VSIG1: variants seen among roughly 807,000 people sequenced by gnomAD.
VSIG1 encodes V-set and immunoglobulin domain containing 1.
Under a neutral mutation model 20.1 loss-of-function variants are expected in VSIG1, and 11 were observed. The observed-to-expected ratio is 0.55, with a 90% CI of 0.34 to 0.91. VSIG1 has a LOEUF of 0.91. Ranked by LOEUF, VSIG1 falls within the 40% of genes least tolerant of loss-of-function variation. The pLI is 0.02. For synonymous variants in VSIG1, 126 were observed against 116.7 expected, an observed-to-expected ratio of 1.08 and a Z score of -0.52; for missense variants, 283 against 298.8, an observed-to-expected ratio of 0.95 and a Z score of 0.39.
intron 1 of VSIG1, 98 bp downstream of exon 1, chrX:108,045,277 A>G (rs2030548480): frequency 3.0e-6 from 2 of 672,736 alleles, no homozygotes. Flanking sequence ...CATCTCCTGT[A>G]CTTCAAATGA....
intron 1 of VSIG1, among the ~76,000 whole-genome samples, chrX:108,048,215 C>T (rs1194854778): frequency 9.3e-6 from 1 of 107,332 alleles, no homozygotes; most frequent in Non-Finnish European, 1.9e-5. Context: ...GTTGGTCAGG[C>T]TGGTCTTGAA....
chrX:108,074,652 G>C (rs2031317805), intron 5 of VSIG1, among the ~76,000 whole-genome samples: 1 of 111,822 alleles, frequency 8.9e-6, no homozygotes, highest in African/African-American at 3.3e-5. Flanking sequence ...GTCTGAACAG[G>C]GTCTATAGAG....
chrX:108,028,968 T>C, the VSIG1 span, among the ~76,000 whole-genome samples: 5 of 111,752 alleles, frequency 4.5e-5, no homozygotes, highest in African/African-American at 1.6e-4. Context: ...GAGTTATTTC[T>C]CCTTGCTGAT....
chrX:108,026,581 C>T, the VSIG1 span, among the ~76,000 whole-genome samples: 3 of 110,965 alleles, frequency 2.7e-5, no homozygotes, highest in African/African-American at 9.8e-5. Context: ...ATATGTTAGC[C>T]CTTTTATTCT....
chrX:108,035,004 T>C, the VSIG1 span, among the ~76,000 whole-genome samples: 1 of 112,621 alleles, frequency 8.9e-6, no homozygotes, highest in Middle Eastern at 4.6e-3. Context: ...CTTCTTATGA[T>C]TTAAACCCAA....
intron 1 of VSIG1, among the ~76,000 whole-genome samples, chrX:108,047,945 T>TATACACAC (rs2030668820): frequency 5.4e-5 from 2 of 37,154 alleles, no homozygotes; most frequent in African/African-American, 1.7e-4. Flanking sequence ...CACATATATA[T>TATACACAC]ATATATATAC....
chrX:108,044,459 G>A (rs962453712), upstream of VSIG1, among the ~76,000 whole-genome samples: 4 of 111,798 alleles, frequency 3.6e-5, no homozygotes, highest in Admixed American at 9.5e-5. Flanking sequence ...AATTACGTTA[G>A]CAAATACGTG....
intron 1 of VSIG1, among the ~76,000 whole-genome samples, chrX:108,055,011 A>G (rs2147922490): frequency 9.1e-6 from 1 of 109,710 alleles, no homozygotes; most frequent in South Asian, 3.9e-4. Flanking sequence ...AAAAATTAAT[A>G]ACACAAAAAT....
chrX:108,047,889 C>T (rs768416514), intron 1 of VSIG1, among the ~76,000 whole-genome samples: 11 of 29,639 alleles, frequency 3.7e-4, no homozygotes, highest in African/African-American at 2.0e-3. Context: ...TATATATACA[C>T]ACATATATAT....
chrX:108,061,801 T>C, intron 2 of VSIG1, among the ~76,000 whole-genome samples: 1 of 110,152 alleles, frequency 9.1e-6, no homozygotes. Flanking sequence ...CATCTTCCCT[T>C]TCCTGAAATC....
intron 2 of VSIG1, chrX:108,061,493 G>C (rs774749089): frequency 3.4e-6 from 4 of 1,166,841 alleles, no homozygotes; most frequent in Non-Finnish European, 4.6e-6. Context: ...TAAAAATGAC[G>C]CACGCAAGAG....
intron 1 of VSIG1, among the ~76,000 whole-genome samples, chrX:108,057,133 A>G (rs1349942265): frequency 1.8e-5 from 2 of 112,513 alleles, no homozygotes; most frequent in African/African-American, 6.5e-5. Context: ...AAAAAGAGTC[A>G]TCAATTCCAA....
At chrX:108,055,465 A>G (rs944467844) in intron 1 of VSIG1, among the ~76,000 whole-genome samples, 1 of 112,088 alleles carries the variant, frequency 8.9e-6, no homozygotes, top group Non-Finnish European at 1.9e-5. Context: ...TTATGAGGCC[A>G]GTATTATCCT....
chrX:108,049,505 G>A (rs1346832960), intron 1 of VSIG1, among the ~76,000 whole-genome samples: 2 of 111,819 alleles, frequency 1.8e-5, no homozygotes, highest in Admixed American at 1.9e-4. Context: ...ACTTGTGTGA[G>A]TACTGTGTGT....
At chrX:108,021,517 C>T in the VSIG1 span, among the ~76,000 whole-genome samples, 1 of 112,186 alleles carries the variant, frequency 8.9e-6, no homozygotes, top group African/African-American at 3.2e-5. Flanking sequence ...TGTCTTTTCA[C>T]TTTTTTGATA....
intron 1 of VSIG1, among the ~76,000 whole-genome samples, chrX:108,047,961 CATATATATATAT>C (rs1172282311): frequency 5.0e-4 from 10 of 19,930 alleles, no homozygotes; most frequent in Non-Finnish European, 6.8e-4. Context: ...TATACACACA[CATATATATATAT>C]ATATATATAT....
At chrX:108,060,409 C>G (rs1179673252) in intron 2 of VSIG1, among the ~76,000 whole-genome samples, 1 of 110,807 alleles carries the variant, frequency 9.0e-6, no homozygotes, top group East Asian at 2.9e-4. Flanking sequence ...TTTATTGCTC[C>G]CACAGCTTGG....
At position 108,076,268 on chromosome X, in the gene VSIG1, A is replaced by G. The variant is rs375377973; in HGVS notation, c.830+50A>G. 2.6e-6 allele frequency: 3 copies of G among 1,173,340 alleles called. No homozygotes were observed. In the African/African-American group the frequency reaches 5.3e-5, roughly 21 times the overall value. ...ACTTGAATACAAACATTTCTCAGGCATGTCTTTTTCAGTCATCAATTCCTA... is the reference window on the plus strand; with the variant it reads ...ACTTGAATACAAACATTTCTCAGGCGTGTCTTTTTCAGTCATCAATTCCTA... On this transcript the variant is annotated intron_variant, in intron 6 of 6. Coordinates refer to ENST00000217957, the MANE Select transcript of VSIG1 (RefSeq NM_182607.5).
chrX:108,078,183 T>G lies in VSIG1; in HGVS notation c.*802T>G, dbSNP rs1469918178. ...TCTCCAAATACAATAGAGGAGAATA[T>G]GTAAAGGGTATACATTAATTGGTAC... On this transcript the variant is annotated 3_prime_UTR_variant, in exon 7 of 7. Transcript: ENST00000217957. 8.9e-6 allele frequency: 1 copy of G among 112,478 alleles called. No homozygotes were observed. The highest frequency in any genetic ancestry group is 1.9e-5 in the Non-Finnish European group (1 of 53,288). 9.3% of individuals were successfully genotyped at this position (112,478 alleles called of 1,213,427 possible).
Sources: allele counts gnomAD v4.1 joint callset (sites outside exome capture counted in the v4.1 genomes callset), GRCh38; gene constraint gnomAD v4.1.1; transcripts MANE v1.5; gene names NCBI Gene and HGNC (gene_info 2026-07-23, HGNC 2026-07-21).